PXN: variants seen among roughly 807,000 people sequenced by gnomAD.
PXN encodes paxillin, also known as testicular tissue protein Li 134.
PXN carries 61 observed loss-of-function variants against 103.6 expected under a neutral mutation model. The observed-to-expected ratio is 0.59, with a 90% CI of 0.48 to 0.73. The LOEUF (loss-of-function observed/expected upper bound fraction) is 0.73. Among genes scored for constraint, PXN ranks in the 30% least tolerant of loss-of-function variants. The pLI, the probability that PXN is intolerant of heterozygous loss-of-function variation, is 0.00. For missense variants in PXN, 1,274 were observed against 1,460.3 expected, an observed-to-expected ratio of 0.87 and a Z score of 2.08; for synonymous variants, 562 against 607.8, an observed-to-expected ratio of 0.92 and a Z score of 1.11.
intron 1 of PXN, among the ~76,000 whole-genome samples, chr12:120,235,409 A>T (rs1888841952): frequency 6.6e-6 from 1 of 152,054 alleles, no homozygotes. Context: ...GTTGCCAGGG[A>T]TTAGAATGCA....
intron 1 of PXN, among the ~76,000 whole-genome samples, chr12:120,230,762 T>G (rs1013777951): frequency 3.3e-5 from 5 of 151,902 alleles, no homozygotes; most frequent in Non-Finnish European, 1.5e-5. Context: ...GCTGGGTATA[T>G]TTATCCTGAT....
At chr12:120,227,981 C>T (rs181232615) in intron 1 of PXN, among the ~76,000 whole-genome samples, 4 of 152,298 alleles carry the variant, frequency 2.6e-5, no homozygotes, top group African/African-American at 9.6e-5. Context: ...CAGCGGGGTC[C>T]CCCAGTGTCC....
rs557209588 is a variant in PXN at position 120,223,930 on chromosome 12, A to C, written c.241-97T>G. ...TCACCCCCAGGAGGCTCCTGCCCAC[A>C]GCCAGTCTCACCAGGGAATTTCCAC... On this transcript the variant is annotated intron_variant, in intron 2 of 14. Transcript: ENST00000637617. 4 of 990,556 alleles carry C rather than the reference A, an allele frequency of 4.0e-6. No individual in the cohort carries two copies. The Admixed American group carries it at 9.6e-5, about 24-fold the overall frequency. 61.4% of individuals were successfully genotyped at this position (990,556 alleles called of 1,614,324 possible).
intron 1 of PXN, among the ~76,000 whole-genome samples, chr12:120,235,040 C>T (rs77660995): frequency 0.017 from 2,651 of 152,228 alleles, 37 homozygotes; most frequent in Non-Finnish European, 0.025. Context: ...TGAGCCCAGG[C>T]GCCTCCAACT....
In PXN at chr12:120,219,321, G is replaced by T. The variant is rs774159974; in HGVS notation, c.1602C>A (p.Ser534Arg). The T allele has an allele frequency of 1.3e-6, 2 of 1,598,304 alleles. No homozygotes were observed. Among genetic ancestry groups the T allele is most frequent in the East Asian group, 4.5e-5 (2 of 44,874 alleles). The change falls in exon 7 of 15, where the codon AGC (serine) becomes AGA (arginine). Residue 534 changes from serine (S) to arginine (R), a missense_variant. Ser to Arg is a moderately radical substitution (Grantham distance 110, BLOSUM62 -1). This residue lies in a region of PXN where 1,178 missense variants were observed against 1,309.0 expected (regional missense o/e 0.90). Transcript: ENST00000637617. This position sits in a 1 kb window ranked among gnomAD's most constrained non-coding sequence, Gnocchi z 6.5. ...TGGCAGCTTCCGTGGTGCCCTCTGG[G>T]CTCCTTGGGGTTTCAGGTCCCTGGG... ...RPTQGPETPRSPEGTTEAATQ... is the reference protein window; with the variant it reads ...RPTQGPETPRRPEGTTEAATQ...
chr12:120,216,216 G>C lies in PXN; in HGVS notation c.2301+57C>G. 2 of 1,270,016 alleles carry C rather than the reference G, an allele frequency of 1.6e-6. No individual in the cohort carries two copies. Among genetic ancestry groups the C allele is most frequent in the Non-Finnish European group, 2.0e-6 (2 of 1,011,492 alleles). The allele number at this position is 1,270,016 out of a possible 1,614,324, so 78.7% of individuals were successfully genotyped here. A position where few individuals can be genotyped will look rare whatever the true frequency, so the allele number is the denominator to read the frequency against. The stretch of plus-strand genomic sequence containing the variant: ...TGCACGTGTGTGTGTGCAGAGTGGG[G>C]GATGGCTCAGGCATTAGGACAGGGG... On this transcript the variant is annotated intron_variant, in intron 9 of 14. Transcript: ENST00000637617. The surrounding 1 kb of genome is among the most constrained non-coding windows in gnomAD (Gnocchi z 5.1).
At position 120,222,762 on chromosome 12, in the gene PXN, G is replaced by C. The variant is rs971196978; in HGVS notation, c.494-12C>G. On this transcript the variant is annotated splice_polypyrimidine_tract_variant and intron_variant, in intron 4 of 14. Transcript: ENST00000637617. The surrounding 1 kb of genome is among the most constrained non-coding windows in gnomAD (Gnocchi z 4.7). ...TGAGTTGGCCTCATCTTGCAGAGAG[G>C]AGAGAAAAAGGCTGCTCAGCCCTTG... 1.9e-6 allele frequency: 3 copies of C among 1,601,524 alleles called. No homozygotes were observed. In the African/African-American group the frequency reaches 4.0e-5, roughly 21 times the overall value.
Position 120,215,950 on chromosome 12 carries a change from T to C in PXN, c.2302-289A>G. ...CTCACCGGGCGCTGGGCCTGGGGGCTGGAAGGGAGGAGACAGGTTTCTGGT... is the reference window on the plus strand; with the variant it reads ...CTCACCGGGCGCTGGGCCTGGGGGCCGGAAGGGAGGAGACAGGTTTCTGGT... On this transcript the variant is annotated intron_variant, in intron 9 of 14. Transcript: ENST00000637617. The surrounding 1 kb of genome is among the most constrained non-coding windows in gnomAD (Gnocchi z 4.9). The C allele has an allele frequency of 7.2e-7, 1 of 1,383,686 alleles. No homozygotes were observed. The highest frequency in any genetic ancestry group is 9.3e-7 in the Non-Finnish European group (1 of 1,069,644). The allele number at this position is 1,383,686 out of a possible 1,614,324, so 85.7% of individuals were successfully genotyped here.
intron 1 of PXN, chr12:120,250,246 G>C: frequency 6.2e-6 from 6 of 960,386 alleles, no homozygotes; most frequent in Non-Finnish European, 7.4e-6. Context: ...GGAAACAGAG[G>C]GGGCAAAGCT....
chr12:120,248,223 C>T (rs1282495083), intron 1 of PXN, among the ~76,000 whole-genome samples: 1 of 151,896 alleles, frequency 6.6e-6, no homozygotes, highest in Non-Finnish European at 1.5e-5. Flanking sequence ...CATGAGGGAC[C>T]CCAGCCTTTG....
Position 120,217,237 on chromosome 12 carries a change from G to A in PXN, c.1717-121C>T, listed in dbSNP as rs80204020. 448 of 812,720 alleles carry A rather than the reference G, an allele frequency of 5.5e-4. 1 individual carries two copies. In the African/African-American group the frequency reaches 6.8e-3, roughly 12 times the overall value. 50.3% of individuals were successfully genotyped at this position (812,720 alleles called of 1,614,324 possible). ...AAAGAAAACCACCAAAGAACCAAGC[G>A]GAGGTGGGTGGAGGCACGGGGAGGG... On this transcript the variant is annotated intron_variant, in intron 7 of 14. Transcript: ENST00000637617. The surrounding 1 kb of genome is among the most constrained non-coding windows in gnomAD (Gnocchi z 4.1).
intron 1 of PXN, among the ~76,000 whole-genome samples, chr12:120,240,143 T>G (rs1416672488): frequency 6.6e-6 from 1 of 152,108 alleles, no homozygotes; most frequent in Admixed American, 6.6e-5. Flanking sequence ...ATGGGGACTG[T>G]GGGGTTCCCA....
rs190713080 is a variant in PXN, at chr12:120,249,051, C to T, written c.13+16566G>A. ...ACGTGGGAGGCTGAGGCACGAGAAT[C>T]GCTTGAACCTGGGAAGCAGAGGTTG... is the stretch of plus-strand genomic sequence containing the variant. On this transcript the variant is annotated intron_variant, in intron 1 of 14. Transcript: ENST00000637617. Among the ~76,000 whole-genome samples, 9 of 152,144 alleles carry T rather than the reference C, an allele frequency of 5.9e-5. No homozygotes were observed. The East Asian group carries it at 1.5e-3, about 26-fold the overall frequency.
intron 1 of PXN, chr12:120,226,293 C>T: frequency 7.8e-7 from 1 of 1,289,076 alleles, no homozygotes; most frequent in South Asian, 1.2e-5. Flanking sequence ...TGAGTGCAAC[C>T]CCAGTAGGGG....
In PXN at chr12:120,212,428, G is replaced by A. The variant is rs1880468115; in HGVS notation, c.3132C>T (p.Phe1044=). Residue 1044 remains phenylalanine, a synonymous_variant, in exon 15 of 15, where the codon TTC becomes TTT. Transcript: ENST00000637617. The surrounding 1 kb of genome is among the most constrained non-coding windows in gnomAD (Gnocchi z 7.2). ...GRCITAMAKK[F]HPEHFVCAFC... ...AGGCACAGACGAAGTGCTCGGGGTG[G>A]AACTTCTTGGCCATGGCGGTGATGC... The A allele has an allele frequency of 6.2e-7, 1 of 1,614,016 alleles. No individual in the cohort carries two copies. Among genetic ancestry groups the A allele is most frequent in the East Asian group, 2.2e-5 (1 of 44,870 alleles).
rs756991366 is a variant in PXN at position 120,212,589 on chromosome 12, C to T, written c.2980-9G>A. On this transcript the variant is annotated splice_polypyrimidine_tract_variant and intron_variant, in intron 14 of 14. Transcript: ENST00000637617. This position sits in a 1 kb window ranked among gnomAD's most constrained non-coding sequence, Gnocchi z 7.2. ...AATGGCGTGAAGCATTCCTGCCAGG[C>T]GGAGAGAGGGGCTCAGGGAGCTGCC... 1.9e-5 allele frequency: 30 copies of T among 1,607,934 alleles called. No individual in the cohort carries two copies. The highest frequency in any genetic ancestry group is 2.3e-5 in the Non-Finnish European group (27 of 1,176,238).
At position 120,215,509 on chromosome 12, in the gene PXN, G is replaced by A; in HGVS notation, c.2403+51C>T. ...GAGGGCACCCAGCAGGCATGGCCAA[G>A]CCCAGGGAGAGCACGACACGCAGGA... On this transcript the variant is annotated intron_variant, in intron 10 of 14. Coordinates refer to ENST00000637617, the MANE Select transcript of PXN (RefSeq NM_001385981.1). This position sits in a 1 kb window ranked among gnomAD's most constrained non-coding sequence, Gnocchi z 4.9. The A allele has an allele frequency of 6.5e-7, 1 of 1,528,430 alleles. No homozygotes were observed. Among genetic ancestry groups the A allele is most frequent in the South Asian group, 1.2e-5 (1 of 80,636 alleles). 94.7% of individuals were successfully genotyped at this position (1,528,430 alleles called of 1,614,324 possible). A position where few individuals can be genotyped will look rare whatever the true frequency, so the allele number is the denominator to read the frequency against.
Position 120,224,107 on chromosome 12 carries a change from TC to T in PXN, c.240+43del. The T allele has an allele frequency of 7.0e-7, 1 of 1,437,102 alleles. No homozygotes were observed. The allele number at this position is 1,437,102 out of a possible 1,614,324, so 89.0% of individuals were successfully genotyped here. A position where few individuals can be genotyped will look rare whatever the true frequency, so the allele number is the denominator to read the frequency against. On this transcript the variant is annotated intron_variant, in intron 2 of 14. Transcript: ENST00000637617. This position sits in a 1 kb window ranked among gnomAD's most constrained non-coding sequence, Gnocchi z 5.0. ...GCCCCTGCCAGCTAAGTTCCCTCTG[TC>T]CCCCAGCCTCCTTGGCCTTCCCAGC...
intron 1 of PXN, among the ~76,000 whole-genome samples, chr12:120,237,655 G>A (rs58283721): frequency 1.5e-3 from 229 of 152,198 alleles, no homozygotes; most frequent in African/African-American, 5.1e-3. Flanking sequence ...AGTGCTCCCC[G>A]AGCTGACCCT....
Sources: allele counts gnomAD v4.1 joint callset (sites outside exome capture counted in the v4.1 genomes callset), GRCh38; gene constraint gnomAD v4.1.1; regional missense constraint gnomAD v4.1.1; non-coding constraint Gnocchi (gnomAD v3.1); transcripts MANE v1.5; gene names NCBI Gene and HGNC (gene_info 2026-07-23, HGNC 2026-07-21).